The following WARS1 variants were observed in gnomAD, a reference collection of about 807,000 sequenced individuals.
The protein encoded by WARS1 is tryptophan--tRNA ligase, cytoplasmic.
WARS1 carries 17 observed loss-of-function variants against 47.8 expected under a neutral mutation model. The ratio of observed to expected loss-of-function variants is 0.36; its 90% CI spans 0.24 to 0.53. The LOEUF (loss-of-function observed/expected upper bound fraction) is 0.53. Ranked by LOEUF, WARS1 falls within the 20% of genes least tolerant of loss-of-function variation. WARS1 has a pLI of 0.91. For synonymous variants in WARS1, 208 were observed against 228.1 expected, an observed-to-expected ratio of 0.91 and a Z score of 0.79; for missense variants, 434 against 608.0, an observed-to-expected ratio of 0.71 and a Z score of 3.01.
At chr14:100,367,604 G>A (rs1896078599) in intron 2 of WARS1, among the ~76,000 whole-genome samples, 2 of 101,394 alleles carry the variant, frequency 2.0e-5, no homozygotes, top group East Asian at 3.1e-4. Context: ...CGGGGGTGGG[G>A]TGGCAAAAAA....
intron 2 of WARS1, among the ~76,000 whole-genome samples, chr14:100,362,647 G>A (rs1346233850): frequency 1.3e-5 from 2 of 152,148 alleles, no homozygotes; most frequent in Admixed American, 1.3e-4. Flanking sequence ...TAGAAAAGCA[G>A]GCCTAATTAA....
chr14:100,339,802 G>A (rs1054981012), intron 9 of WARS1: 4 of 152,122 alleles, frequency 2.6e-5, no homozygotes, highest in African/African-American at 7.2e-5. Context: ...GAGAACACAG[G>A]TCCTGGCTTC....
chr14:100,346,175 GGA>G (rs1026585079), intron 7 of WARS1, among the ~76,000 whole-genome samples: 1 of 152,218 alleles, frequency 6.6e-6, no homozygotes, highest in Non-Finnish European at 1.5e-5. Flanking sequence ...GGAAATTTAT[GGA>G]GAGGGCCATG....
rs754283994 is a variant in WARS1, at chr14:100,361,832, A to C, written c.189T>G (p.Pro63=). Residue 63 remains proline, a synonymous_variant, in exon 3 of 11, where the codon CCT becomes CCG. Coordinates refer to ENST00000392882, the MANE Select transcript of WARS1 (RefSeq NM_004184.4). The part of the protein sequence containing the change: ...AAGEDYKADC[P]PGNPAPTSNH... ...TACTGGTAGGTGCTGGGTTCCCTGG[A>C]GGACAGTCAGCCTTGTAATCCTCCC... The C allele has an allele frequency of 6.2e-7, 1 of 1,614,206 alleles. No individual in the cohort carries two copies. The highest frequency in any genetic ancestry group is 1.1e-5 in the South Asian group (1 of 91,088).
Position 100,353,844 on chromosome 14 carries a change from G to A in WARS1, c.568C>T (p.Pro190Ser). The change falls in exon 6 of 11, where the codon CCC becomes TCC. Residue 190 changes from proline to serine, a missense_variant. By Grantham distance (74) the Pro-to-Ser change is moderately conservative. Around this residue, in one of 2 missense-constraint regions of WARS1, gnomAD observed 347 missense variants for 523.8 expected, o/e 0.66. Coordinates refer to ENST00000392882, the MANE Select transcript of WARS1 (RefSeq NM_004184.4). ...TCATCCGTCATCTGGATGACCAAGG[G>A]CACGTTAAATACATCCTGGAGCCAC... ...TKWLQDVFNV[P>S]LVIQMTDDEK... 1.2e-6 allele frequency: 2 copies of A among 1,614,020 alleles called. No individual in the cohort carries two copies. The highest frequency in any genetic ancestry group is 1.7e-6 in the Non-Finnish European group (2 of 1,179,992).
chr14:100,351,491 C>T (rs1894974535), intron 6 of WARS1, among the ~76,000 whole-genome samples: 1 of 110,844 alleles, frequency 9.0e-6, no homozygotes, highest in Non-Finnish European at 1.8e-5. Context: ...ATGAGTGAGA[C>T]TCTGTCTCAA....
At chr14:100,353,499 C>T (rs182529185) in intron 6 of WARS1, among the ~76,000 whole-genome samples, 188 bp downstream of exon 6, 10 of 152,284 alleles carry the variant, frequency 6.6e-5, no homozygotes, top group African/African-American at 1.9e-4. Flanking sequence ...CCGCCCACCT[C>T]GGCCTCCCAA....
In WARS1 at chr14:100,353,787, C is replaced by T. The variant is rs752533088; in HGVS notation, c.625G>A (p.Asp209Asn). 1.9e-5 allele frequency: 30 copies of T among 1,613,998 alleles called. No individual in the cohort carries two copies. In the South Asian group the frequency reaches 3.3e-4, roughly 18 times the overall value. The change falls in exon 6 of 11, where the codon GAC becomes AAC. Residue 209 changes from aspartate to asparagine, a missense_variant. Around this residue, in one of 2 missense-constraint regions of WARS1, gnomAD observed 347 missense variants for 523.8 expected, o/e 0.66. Transcript: ENST00000392882. ...TCCACAGCATAGCTATAGGCCTGGT[C>T]CAGGGTCAGGTCCTTCCACAGATAC... ...EKYLWKDLTLDQAYSYAVENA... is the reference protein window; with the variant it reads ...EKYLWKDLTLNQAYSYAVENA...
intron 7 of WARS1, among the ~76,000 whole-genome samples, chr14:100,343,669 G>A (rs942935169): frequency 2.7e-5 from 4 of 150,452 alleles, no homozygotes; most frequent in Non-Finnish European, 4.4e-5. Flanking sequence ...AAGGAGTCTC[G>A]CTTTGTTGCC....
intron 2 of WARS1, among the ~76,000 whole-genome samples, chr14:100,365,314 T>C (rs1895899923): frequency 6.6e-6 from 1 of 152,046 alleles, no homozygotes; most frequent in Non-Finnish European, 1.5e-5. Flanking sequence ...GCGTGGTGGC[T>C]CACACCTGTC....
chr14:100,354,543 G>T lies in WARS1; in HGVS notation c.446C>A (p.Ala149Asp), dbSNP rs201005516. The change falls in exon 5 of 11, where the codon GCC becomes GAC. Residue 149 changes from alanine (A) to aspartate (D), a missense_variant. Ala to Asp is a moderately radical substitution (Grantham distance 126). This residue lies in a region of WARS1 where 347 missense variants were observed against 523.8 expected (regional missense o/e 0.66). Transcript: ENST00000392882. Reference protein sequence around the residue: ...SHRDMNQVLDAYENKKPFYLY... With the variant: ...SHRDMNQVLDDYENKKPFYLY... ...ATAAAATGGCTTCTTATTTTCATAG[G>T]CATCAAGAACCTGATTCATATCTCT... 2.4e-4 allele frequency: 384 copies of T among 1,613,010 alleles called. 3 individuals are homozygous for T. The highest frequency in any genetic ancestry group is 4.9e-4 in the Middle Eastern group (3 of 6,082).
intron 4 of WARS1, among the ~76,000 whole-genome samples, chr14:100,359,908 G>T (rs1224466625): frequency 1.3e-5 from 2 of 152,152 alleles, no homozygotes; most frequent in Non-Finnish European, 2.9e-5. Context: ...CTGTCCTGGG[G>T]TTGTTCTCCT....
At chr14:100,367,048 T>A (rs897410872) in intron 2 of WARS1, 102 of 610,926 alleles carry the variant, frequency 1.7e-4, no homozygotes, top group Non-Finnish European at 2.4e-4. Context: ...AAAATAAGAT[T>A]AAAAAAAAAA....
intron 2 of WARS1, chr14:100,365,811 C>A: frequency 4.2e-6 from 1 of 236,836 alleles, no homozygotes; most frequent in Non-Finnish European, 8.5e-6. Context: ...TTTCAGAAGC[C>A]AGAAAGCTGA....
chr14:100,344,954 G>GT (rs1208138466), intron 7 of WARS1, among the ~76,000 whole-genome samples: 1 of 151,662 alleles, frequency 6.6e-6, no homozygotes, highest in Non-Finnish European at 1.5e-5. Context: ...GGGAGGTGGG[G>GT]GGTCAGCCCC....
chr14:100,361,559 C>A, intron 3 of WARS1, 149 bp downstream of exon 3: 1 of 698,098 alleles, frequency 1.4e-6, no homozygotes, highest in Non-Finnish European at 2.3e-6. Flanking sequence ...TAATGCACAA[C>A]CAAAAGATTT....
Position 100,342,323 on chromosome 14 carries a change from G to A in WARS1, c.1113+75C>T, listed in dbSNP as rs746233608. The A allele has an allele frequency of 6.3e-6, 10 of 1,583,388 alleles. No homozygotes were observed. The South Asian group carries it at 1.0e-4, about 16-fold the overall frequency. ...GCTGAGGCCCAAAGCACTGCGCAGT[G>A]GTGTGTGTGTGCGTGTGCCCCCCAG... On this transcript the variant is annotated intron_variant, in intron 9 of 10. Coordinates refer to ENST00000392882, the MANE Select transcript of WARS1 (RefSeq NM_004184.4).
At chr14:100,345,387 T>A (rs1056211026) in intron 7 of WARS1, among the ~76,000 whole-genome samples, 17 of 152,222 alleles carry the variant, frequency 1.1e-4, no homozygotes, top group Non-Finnish European at 2.1e-4. Flanking sequence ...CTCTGAAACA[T>A]GTGCTGAGTC....
At chr14:100,369,319 T>C in intron 1 of WARS1, 61 bp from the exon 2 acceptor site, 1 of 516,392 alleles carries the variant, frequency 1.9e-6, no homozygotes, top group Non-Finnish European at 3.0e-6. Context: ...ACATCGCGGC[T>C]GTTTTTCCTT....
Sources: allele counts gnomAD v4.1 joint callset (sites outside exome capture counted in the v4.1 genomes callset), GRCh38; gene constraint gnomAD v4.1.1; regional missense constraint gnomAD v4.1.1; transcripts MANE v1.5; gene names NCBI Gene and HGNC (gene_info 2026-07-23, HGNC 2026-07-21).